Variants in RAPGEF2 observed in about 807,000 individuals in gnomAD.
RAPGEF2 encodes the protein PDZ domain containing guanine nucleotide exchange factor (GEF) 1.
In RAPGEF2, 54 loss-of-function variants were observed where a neutral mutation model predicts 186.7. The observed-to-expected ratio is 0.29, with a 90% CI of 0.23 to 0.36. The LOEUF (loss-of-function observed/expected upper bound fraction) is 0.36, where lower values mean the gene tolerates loss of function less well. Among genes scored for constraint, RAPGEF2 ranks in the 10% least tolerant of loss-of-function variants. The probability of loss-of-function intolerance (pLI) is 1.00; values close to 1 mark genes in which losing one functional copy is unlikely to be tolerated. For missense variants in RAPGEF2, 1,532 were observed against 2,045.0 expected, an observed-to-expected ratio of 0.75 and a Z score of 4.84; for synonymous variants, 712 against 705.9, an observed-to-expected ratio of 1.01 and a Z score of -0.14.
intron 7 of RAPGEF2, among the ~76,000 whole-genome samples, chr4:159,253,796 G>A (rs920155211): frequency 6.6e-6 from 1 of 152,094 alleles, no homozygotes; most frequent in African/African-American, 2.4e-5. Flanking sequence ...GTGAAACCCC[G>A]TCTCTGCTAA....
At chr4:159,303,959 T>C (rs1394633989) in intron 7 of RAPGEF2, among the ~76,000 whole-genome samples, 1 of 152,176 alleles carries the variant, frequency 6.6e-6, no homozygotes, top group Non-Finnish European at 1.5e-5. Context: ...TAAATGTGTT[T>C]TCTTGTTTAA....
intron 17 of RAPGEF2, among the ~76,000 whole-genome samples, chr4:159,334,188 C>T (rs942600242): frequency 6.6e-6 from 1 of 152,146 alleles, no homozygotes; most frequent in East Asian, 1.9e-4. Flanking sequence ...AAATAACCTT[C>T]GTTGATGAAA....
At chr4:159,335,597 C>T (rs1317816231) in intron 17 of RAPGEF2, among the ~76,000 whole-genome samples, 1 of 151,978 alleles carries the variant, frequency 6.6e-6, no homozygotes, top group African/African-American at 2.4e-5. Context: ...CTTGTAATCC[C>T]AGCACTTTGG....
At chr4:159,139,835 G>T (rs1742122386) in intron 1 of RAPGEF2, among the ~76,000 whole-genome samples, 1 of 152,140 alleles carries the variant, frequency 6.6e-6, no homozygotes, top group African/African-American at 2.4e-5. Context: ...GAATGTCTGT[G>T]CTAAAAGTAG....
At chr4:159,272,351 G>A (rs562948197) in intron 7 of RAPGEF2, among the ~76,000 whole-genome samples, 137 of 152,216 alleles carry the variant, frequency 9.0e-4, no homozygotes, top group Non-Finnish European at 1.5e-3. Flanking sequence ...AAACATACAA[G>A]ATTGTGCTCT....
At position 159,343,303 on chromosome 4, in the gene RAPGEF2, G is replaced by T; in HGVS notation, c.3153G>T (p.Gly1051=). 6.2e-7 allele frequency: 1 copy of T among 1,614,000 alleles called. No homozygotes were observed. Among genetic ancestry groups the T allele is most frequent in the Non-Finnish European group, 8.5e-7 (1 of 1,179,920 alleles). The change falls in exon 22 of 30, where the codon GGG becomes GGT. Residue 1051 remains glycine, a synonymous_variant. Transcript: ENST00000691494. ...CAGGAAATGACTCAAAAGTAGACGG[G>T]CTGGTCAATTTTGAGAAGCTAAGGA... The part of the protein sequence containing the change: ...LHEGNDSKVD[G]LVNFEKLRMI...
intron 12 of RAPGEF2, 45 bp downstream of exon 12, chr4:159,330,055 G>A (rs1353236761): frequency 1.3e-6 from 2 of 1,561,498 alleles, no homozygotes; most frequent in South Asian, 2.4e-5. Flanking sequence ...AATTTTTTTT[G>A]GTAGTATTGG....
In RAPGEF2 at chr4:159,352,784, A is replaced by T; in HGVS notation, c.3965A>T (p.Asp1322Val). ...AGTATTGTTAGCAATTCGTCTTTTG[A>T]CTCAGTGCCAGTCTCACTGCACGAT... is the stretch of plus-strand genomic sequence containing the variant. ...RSSIVSNSSF[D>V]SVPVSLHDER... Residue 1322 changes from aspartate (D) to valine (V), a missense_variant, in exon 27 of 30, where the codon GAC becomes GTC. Asp to Val is a radical substitution (Grantham distance 152). This residue lies in a region of RAPGEF2 where 594 missense variants were observed against 608.5 expected (regional missense o/e 0.98). Coordinates refer to ENST00000691494, the MANE Select transcript of RAPGEF2 (RefSeq NM_001394067.2). The T allele has an allele frequency of 6.2e-7, 1 of 1,614,198 alleles. No individual in the cohort carries two copies.
At position 159,240,728 on chromosome 4, in the gene RAPGEF2, C is replaced by T. The variant is rs537417348; in HGVS notation, c.358-473C>T. ...ATGAAAGTAGAAGGAGAAACCCTTG[C>T]GTAACCTACCAAAGCCATTCTGTTA... is the stretch of plus-strand genomic sequence containing the variant. On this transcript the variant is annotated intron_variant, in intron 5 of 29. Coordinates refer to ENST00000691494, the MANE Select transcript of RAPGEF2 (RefSeq NM_001394067.2). Among the ~76,000 whole-genome samples the T allele has an allele frequency of 6.0e-5, 9 of 151,104 alleles. No homozygotes were observed. The South Asian group carries it at 6.3e-4, about 11-fold the overall frequency.
intron 1 of RAPGEF2, among the ~76,000 whole-genome samples, chr4:159,183,820 C>T (rs1227413945): frequency 6.6e-6 from 1 of 152,092 alleles, no homozygotes; most frequent in East Asian, 1.9e-4. Context: ...TATACATGTG[C>T]CATGTTGGTG....
chr4:159,171,334 G>A (rs945766548), intron 1 of RAPGEF2, among the ~76,000 whole-genome samples: 1 of 152,146 alleles, frequency 6.6e-6, no homozygotes, highest in Non-Finnish European at 1.5e-5. Context: ...CCTACTACAC[G>A]TCAAGGCACT....
intron 1 of RAPGEF2, among the ~76,000 whole-genome samples, chr4:159,124,556 A>G (rs1385839883): frequency 6.6e-6 from 1 of 152,098 alleles, no homozygotes; most frequent in Non-Finnish European, 1.5e-5. Context: ...AAAAAAATTT[A>G]ATAAGTCTTC....
At chr4:159,159,521 A>G (rs1445959225) in intron 1 of RAPGEF2, among the ~76,000 whole-genome samples, 4 of 143,944 alleles carry the variant, frequency 2.8e-5, no homozygotes, top group Non-Finnish European at 6.1e-5. Context: ...TTGTTCCAAG[A>G]AAATTCTTTT....
intron 7 of RAPGEF2, among the ~76,000 whole-genome samples, chr4:159,301,170 T>TGA: frequency 6.6e-6 from 1 of 152,230 alleles, no homozygotes; most frequent in South Asian, 2.1e-4. Context: ...GCCAGCAGTT[T>TGA]GAGACCAGCT....
At chr4:159,309,959 ATAAAC>A (rs777980834) in intron 8 of RAPGEF2, among the ~76,000 whole-genome samples, 7 of 140,748 alleles carry the variant, frequency 5.0e-5, no homozygotes, top group East Asian at 1.9e-4. Flanking sequence ...TAAATTCCTG[ATAAAC>A]TAAAGAGTTA....
intron 4 of RAPGEF2, among the ~76,000 whole-genome samples, chr4:159,212,184 C>T (rs571257059): frequency 6.6e-6 from 1 of 152,150 alleles, no homozygotes; most frequent in East Asian, 1.9e-4. Context: ...GAACCAGCTT[C>T]GATAATTCTA....
chr4:159,118,486 A>ACACCCC (rs1739296666), intron 1 of RAPGEF2, among the ~76,000 whole-genome samples: 1 of 148,736 alleles, frequency 6.7e-6, no homozygotes, highest in African/African-American at 2.5e-5. Context: ...ATCATCCTGC[A>ACACCCC]CCCCCCCGCC....
chr4:159,174,100 T>G lies in RAPGEF2; in HGVS notation c.70-12542T>G, dbSNP rs114009294. Among the ~76,000 whole-genome samples, 1,416 of 152,334 alleles carry G rather than the reference T, an allele frequency of 9.3e-3. 13 individuals are homozygous for G. Among genetic ancestry groups the G allele is most frequent in the Middle Eastern group, 0.02 (6 of 294 alleles). ...TCTCTTTTCTTATTTGTTAACAAAATGAGTTTTTGGTGAAAACTAAATTGT... is the reference window on the plus strand; with the variant it reads ...TCTCTTTTCTTATTTGTTAACAAAAGGAGTTTTTGGTGAAAACTAAATTGT... On this transcript the variant is annotated intron_variant, in intron 1 of 29. Coordinates refer to ENST00000691494, the MANE Select transcript of RAPGEF2 (RefSeq NM_001394067.2).
intron 7 of RAPGEF2, among the ~76,000 whole-genome samples, chr4:159,296,506 G>T (rs140954576): frequency 6.6e-6 from 1 of 152,170 alleles, no homozygotes; most frequent in African/African-American, 2.4e-5. Context: ...TTAAGTGTGT[G>T]CTCCCTAGCC....
Sources: gnomAD v4.1 joint callset for allele counts (sites outside exome capture counted in the v4.1 genomes callset) on GRCh38, gnomAD v4.1.1 for gene constraint, gnomAD v4.1.1 regional missense constraint, MANE v1.5 for transcripts, NCBI Gene and HGNC (gene_info 2026-07-23, HGNC 2026-07-21) for gene names.